The following ADCK1 variants were observed in gnomAD, a reference collection of about 807,000 sequenced individuals.
ADCK1 encodes the protein aarF domain containing kinase 1.
ADCK1 carries 41 observed loss-of-function variants against 52.3 expected under a neutral mutation model. The ratio of observed to expected loss-of-function variants is 0.78; its 90% CI spans 0.61 to 1.02. The LOEUF (loss-of-function observed/expected upper bound fraction) is 1.02. Among genes scored for constraint, ADCK1 ranks in the 50% least tolerant of loss-of-function variants. The pLI, the probability that ADCK1 is intolerant of heterozygous loss-of-function variation, is 0.00. For synonymous variants in ADCK1, 250 were observed against 274.6 expected (o/e 0.91, Z 0.89); for missense variants, 658 against 679.5 (o/e 0.97, Z 0.35).
At chr14:77,847,746 A>G (rs935237951) in intron 3 of ADCK1, among the ~76,000 whole-genome samples, 1 of 152,214 alleles carries the variant, frequency 6.6e-6, no homozygotes, top group African/African-American at 2.4e-5. Context: ...AGTTGCTGTC[A>G]TCAGAGACCC....
intron 3 of ADCK1, among the ~76,000 whole-genome samples, chr14:77,843,442 C>A (rs2082115915): frequency 6.6e-6 from 1 of 152,148 alleles, no homozygotes; most frequent in African/African-American, 2.4e-5. Flanking sequence ...TGCATCTTCT[C>A]AGTGTGTGTG....
intron 5 of ADCK1, among the ~76,000 whole-genome samples, chr14:77,898,550 C>T (rs190935910): frequency 6.6e-6 from 1 of 152,198 alleles, no homozygotes; most frequent in Admixed American, 6.5e-5. Flanking sequence ...CAAAAAAACC[C>T]AAAGACCGCT....
intron 3 of ADCK1, among the ~76,000 whole-genome samples, chr14:77,822,810 T>G (rs2081611221): frequency 6.6e-6 from 1 of 152,140 alleles, no homozygotes; most frequent in Non-Finnish European, 1.5e-5. Flanking sequence ...ACACAGAGGT[T>G]TCAGTGCTTC....
chr14:77,921,708 C>T (rs1394637754), intron 7 of ADCK1, among the ~76,000 whole-genome samples: 2 of 152,058 alleles, frequency 1.3e-5, no homozygotes, highest in East Asian at 1.9e-4. Context: ...TGAGATGGAG[C>T]GGGCCACTCT....
intron 3 of ADCK1, among the ~76,000 whole-genome samples, chr14:77,845,074 A>C (rs1001374667): frequency 6.6e-6 from 1 of 152,264 alleles, no homozygotes; most frequent in African/African-American, 2.4e-5. Context: ...TGATTTGTTC[A>C]GGATTGCATA....
intron 4 of ADCK1, among the ~76,000 whole-genome samples, chr14:77,881,361 G>A (rs1261483553): frequency 2.0e-5 from 3 of 152,188 alleles, no homozygotes; most frequent in Admixed American, 2.0e-4. Context: ...ATCCAAGGGC[G>A]AGTGAGAGAC....
intron 8 of ADCK1, among the ~76,000 whole-genome samples, chr14:77,925,393 A>T (rs1035056645): frequency 1.3e-5 from 2 of 152,126 alleles, no homozygotes; most frequent in Admixed American, 1.3e-4. Context: ...GGCTTGGAGG[A>T]GCCTGCAGGG....
intron 3 of ADCK1, among the ~76,000 whole-genome samples, chr14:77,846,176 C>T (rs2082170023): frequency 6.6e-6 from 1 of 152,176 alleles, no homozygotes; most frequent in African/African-American, 2.4e-5. Flanking sequence ...CTCTGCTCCC[C>T]TAAGCCAGTG....
chr14:77,852,669 A>ATATATATTTCATATATATATATATAT (rs1566667179), intron 3 of ADCK1, among the ~76,000 whole-genome samples: 1 of 9,408 alleles, frequency 1.1e-4, no homozygotes, highest in South Asian at 6.2e-3. Flanking sequence ...AAATATATAT[A>ATATATATTTCATATATATATATATAT]TATATATATA....
At chr14:77,887,391 C>A in intron 5 of ADCK1, 142 bp downstream of exon 5, 1 of 973,388 alleles carries the variant, frequency 1.0e-6, no homozygotes, top group Non-Finnish European at 1.4e-6. Context: ...GAGATTACGA[C>A]AGAGGAGGTG....
chr14:77,823,402 G>A (rs1209272587), intron 3 of ADCK1, among the ~76,000 whole-genome samples: 2 of 151,990 alleles, frequency 1.3e-5, no homozygotes, highest in Non-Finnish European at 2.9e-5. Flanking sequence ...CTATGTGGAT[G>A]GAATAATTAA....
At chr14:77,906,043 T>C (rs2083658315) in intron 6 of ADCK1, among the ~76,000 whole-genome samples, 1 of 152,186 alleles carries the variant, frequency 6.6e-6, no homozygotes, top group Non-Finnish European at 1.5e-5. Flanking sequence ...CACTTGTATG[T>C]ACAGCCCCCA....
intron 3 of ADCK1, among the ~76,000 whole-genome samples, chr14:77,854,347 T>G (rs1396191519): frequency 6.6e-6 from 1 of 152,176 alleles, no homozygotes; most frequent in Non-Finnish European, 1.5e-5. Flanking sequence ...GATACACATT[T>G]GTGTGTATCA....
At chr14:77,834,875 T>C (rs2081929578) in intron 3 of ADCK1, among the ~76,000 whole-genome samples, 1 of 152,182 alleles carries the variant, frequency 6.6e-6, no homozygotes, top group Non-Finnish European at 1.5e-5. Context: ...AACAAGGCCC[T>C]CTATGGGGCA....
chr14:77,848,193 C>T (rs746436560), intron 3 of ADCK1, among the ~76,000 whole-genome samples: 2 of 152,164 alleles, frequency 1.3e-5, no homozygotes, highest in African/African-American at 2.4e-5. Context: ...GCATGAGCCC[C>T]GGCCTGGATG....
chr14:77,807,025 ACT>A (rs1257961169), intron 1 of ADCK1, among the ~76,000 whole-genome samples: 1,185 of 118,150 alleles, frequency 0.01, 31 homozygotes, highest in African/African-American at 0.038. Context: ...TAAGATAGCC[ACT>A]CTCTCTCTCT....
intron 5 of ADCK1, among the ~76,000 whole-genome samples, chr14:77,896,193 A>T (rs1430609387): frequency 6.6e-6 from 1 of 152,232 alleles, no homozygotes; most frequent in Admixed American, 6.5e-5. Flanking sequence ...AAAATCTTTA[A>T]TGTGCCTTTC....
intron 3 of ADCK1, among the ~76,000 whole-genome samples, chr14:77,857,487 T>A (rs2082443737): frequency 6.6e-6 from 1 of 152,200 alleles, no homozygotes; most frequent in Admixed American, 6.5e-5. Flanking sequence ...GTTTACTTTA[T>A]GTTTGTACCC....
intron 5 of ADCK1, among the ~76,000 whole-genome samples, chr14:77,897,765 A>G (rs959333175): frequency 6.6e-6 from 1 of 152,242 alleles, no homozygotes; most frequent in African/African-American, 2.4e-5. Context: ...CCAAACATTC[A>G]ACTTAAGAAA....
Sources: allele counts gnomAD v4.1 joint callset (sites outside exome capture counted in the v4.1 genomes callset), GRCh38; gene constraint gnomAD v4.1.1; transcripts MANE v1.5; gene names NCBI Gene and HGNC (gene_info 2026-07-23, HGNC 2026-07-21).